MYO1D: variants seen among roughly 807,000 people sequenced by gnomAD.
MYO1D encodes myosin ID, also known as unconventional myosin-Id.
Under a neutral mutation model 122.0 loss-of-function variants are expected in MYO1D, and 83 were observed. That is an observed-to-expected ratio of 0.68 (90% CI 0.57 to 0.82). The LOEUF is 0.82. MYO1D is among the 40% of genes least tolerant of loss of function. The probability of loss-of-function intolerance (pLI) is 0.00; values close to 1 mark genes in which losing one functional copy is unlikely to be tolerated. For missense variants in MYO1D, 1,157 were observed against 1,269.5 expected, an observed-to-expected ratio of 0.91 and a Z score of 1.35; for synonymous variants, 464 against 446.9, an observed-to-expected ratio of 1.04 and a Z score of -0.48.
chr17:32,623,160 G>A (rs1395986785), intron 20 of MYO1D, among the ~76,000 whole-genome samples: 2 of 152,182 alleles, frequency 1.3e-5, no homozygotes, highest in African/African-American at 4.8e-5. Context: ...CCCTGAGCCT[G>A]TCAACTTTAC....
At chr17:32,659,053 A>C (rs2088515358) in intron 17 of MYO1D, 62 bp downstream of exon 17, 2 of 1,436,056 alleles carry the variant, frequency 1.4e-6, no homozygotes, top group African/African-American at 2.8e-5. Flanking sequence ...CAGACTTGTG[A>C]CTTTGCATAG....
At chr17:32,667,509 T>C (rs1325607876) in intron 16 of MYO1D, among the ~76,000 whole-genome samples, 3 of 152,188 alleles carry the variant, frequency 2.0e-5, no homozygotes, top group Non-Finnish European at 4.4e-5. Context: ...AGACATACGA[T>C]AAATCTAAGA....
intron 21 of MYO1D, among the ~76,000 whole-genome samples, chr17:32,527,274 C>A (rs549339315): frequency 6.6e-6 from 1 of 152,158 alleles, no homozygotes; most frequent in African/African-American, 2.4e-5. Flanking sequence ...CTGTGCCTGG[C>A]GCTGCCAAAC....
intron 1 of MYO1D, among the ~76,000 whole-genome samples, chr17:32,790,524 A>T (rs1003877254): frequency 9.2e-5 from 14 of 152,216 alleles, no homozygotes; most frequent in African/African-American, 2.9e-4. Flanking sequence ...CTACCTGCAA[A>T]GGAATAGAGG....
At chr17:32,662,693 T>C (rs2088583497) in intron 16 of MYO1D, among the ~76,000 whole-genome samples, 1 of 151,670 alleles carries the variant, frequency 6.6e-6, no homozygotes. Flanking sequence ...AAAAGAGCTG[T>C]GTAAACTTGG....
intron 13 of MYO1D, among the ~76,000 whole-genome samples, chr17:32,742,130 T>C (rs1485407367): frequency 1.3e-5 from 2 of 152,152 alleles, no homozygotes; most frequent in Non-Finnish European, 2.9e-5. Context: ...ATACAACAAC[T>C]ATTTACATAG....
At chr17:32,574,074 G>A (rs926202009) in intron 21 of MYO1D, among the ~76,000 whole-genome samples, 2 of 151,048 alleles carry the variant, frequency 1.3e-5, no homozygotes, top group African/African-American at 2.4e-5. Flanking sequence ...GGATGGTCTC[G>A]ATCTCCTGAC....
chr17:32,755,919 A>C (rs2089943157), intron 10 of MYO1D, among the ~76,000 whole-genome samples: 1 of 152,214 alleles, frequency 6.6e-6, no homozygotes, highest in Non-Finnish European at 1.5e-5. Flanking sequence ...TAAGGTAGAC[A>C]CCATTTCTCC....
chr17:32,774,839 G>T (rs192642004), intron 4 of MYO1D, among the ~76,000 whole-genome samples: 37 of 152,284 alleles, frequency 2.4e-4, no homozygotes, highest in South Asian at 2.3e-3. Context: ...TGGCCATAAA[G>T]GATGCTATGG....
At position 32,610,005 on chromosome 17, in the gene MYO1D, T is replaced by C. The variant is rs190177545; in HGVS notation, c.2710-4764A>G. Among the ~76,000 whole-genome samples the C allele has an allele frequency of 2.7e-3, 406 of 152,328 alleles. 1 individual carries two copies. Among genetic ancestry groups the C allele is most frequent in the African/African-American group, 9.5e-3 (393 of 41,574 alleles). On this transcript the variant is annotated intron_variant, in intron 20 of 21. Coordinates refer to ENST00000318217, the MANE Select transcript of MYO1D (RefSeq NM_015194.3). ...ATTATTTTATATGTGAAATTCAAAATTGAATTGATGTAGCACTTCACAGGA... is the reference window on the plus strand; with the variant it reads ...ATTATTTTATATGTGAAATTCAAAACTGAATTGATGTAGCACTTCACAGGA...
chr17:32,844,739 A>T (rs1345980147), intron 1 of MYO1D, among the ~76,000 whole-genome samples: 1 of 152,174 alleles, frequency 6.6e-6, no homozygotes, highest in East Asian at 1.9e-4. Context: ...AAAACAATGT[A>T]TAATGTAATA....
intron 20 of MYO1D, among the ~76,000 whole-genome samples, chr17:32,624,053 A>T (rs1279237928): frequency 6.6e-6 from 1 of 152,136 alleles, no homozygotes; most frequent in African/African-American, 2.4e-5. Context: ...AAAAACTCTA[A>T]TGGCAGAACT....
At position 32,578,028 on chromosome 17, in the gene MYO1D, C is replaced by T. The variant is rs980975862; in HGVS notation, c.2864+27059G>A. Among the ~76,000 whole-genome samples, 6 of 152,278 alleles carry T rather than the reference C, an allele frequency of 3.9e-5. No homozygotes were observed. The East Asian group carries it at 7.7e-4, about 20-fold the overall frequency. On this transcript the variant is annotated intron_variant, in intron 21 of 21. Coordinates refer to ENST00000318217, the MANE Select transcript of MYO1D (RefSeq NM_015194.3). ...CGCTGGGATTACAGGCGTGAGCCAC[C>T]GCGCCCAGCCTCAGAAACATATTTC...
At chr17:32,640,462 C>T (rs2088180496) in intron 19 of MYO1D, among the ~76,000 whole-genome samples, 1 of 139,892 alleles carries the variant, frequency 7.1e-6, no homozygotes, top group Admixed American at 7.1e-5. Context: ...TCTCCCAATG[C>T]TATCCCTCCC....
chr17:32,660,829 T>G (rs1424267523), intron 16 of MYO1D, among the ~76,000 whole-genome samples: 1 of 152,152 alleles, frequency 6.6e-6, no homozygotes, highest in East Asian at 1.9e-4. Context: ...TCCACCCAAG[T>G]GCAAAAATAA....
At chr17:32,770,892 GAAAAAACTTCT>G (rs1422071034) in intron 6 of MYO1D, among the ~76,000 whole-genome samples, 1 of 152,132 alleles carries the variant, frequency 6.6e-6, no homozygotes, top group Non-Finnish European at 1.5e-5. Flanking sequence ...TTGAATGTAG[GAAAAAACTTCT>G]TTCCTGTCAG....
chr17:32,563,321 T>C (rs2087144298), intron 21 of MYO1D, among the ~76,000 whole-genome samples: 1 of 151,804 alleles, frequency 6.6e-6, no homozygotes, highest in African/African-American at 2.4e-5. Context: ...GCGATTCTTT[T>C]GCCTCAGCCT....
rs571240688 is a variant in MYO1D, at chr17:32,679,660, T to C, written c.2122-20322A>G. Among the ~76,000 whole-genome samples, 62 of 152,340 alleles carry C rather than the reference T, an allele frequency of 4.1e-4. 1 individual carries two copies. The highest frequency in any genetic ancestry group is 1.4e-3 in the African/African-American group (60 of 41,566). On this transcript the variant is annotated intron_variant, in intron 16 of 21. Transcript: ENST00000318217. ...CAGTACCATGCTGTTTTGGTTACTG[T>C]AGCCTTGTAGTAGAGTTTGAAGTCA... is the stretch of plus-strand genomic sequence containing the variant.
intron 21 of MYO1D, among the ~76,000 whole-genome samples, chr17:32,513,809 A>G (rs1909784126): frequency 6.6e-6 from 1 of 151,476 alleles, no homozygotes; most frequent in Non-Finnish European, 1.5e-5. Flanking sequence ...CACCCACCCC[A>G]AACGCCTTAA....
Sources: allele counts gnomAD v4.1 joint callset (sites outside exome capture counted in the v4.1 genomes callset), GRCh38; gene constraint gnomAD v4.1.1; transcripts MANE v1.5; gene names NCBI Gene and HGNC (gene_info 2026-07-23, HGNC 2026-07-21).